The following NALCN variants were observed in gnomAD, a reference collection of about 807,000 sequenced individuals.
The protein encoded by NALCN is sodium leak channel, non-selective, also known as sodium leak channel NALCN.
A neutral mutation model predicts 225.3 loss-of-function variants in NALCN; 111 were observed. That is an observed-to-expected ratio of 0.49 (90% CI 0.42 to 0.58). The LOEUF (loss-of-function observed/expected upper bound fraction) is 0.58. Among genes scored for constraint, NALCN ranks in the 20% least tolerant of loss-of-function variants. The pLI, the probability that NALCN is intolerant of heterozygous loss-of-function variation, is 0.00. For missense variants in NALCN, 1,378 were observed against 2,202.4 expected (o/e 0.63, Z 7.49); for synonymous variants, 764 against 769.0 (o/e 0.99, Z 0.11).
intron 14 of NALCN, among the ~76,000 whole-genome samples, chr13:101,188,552 G>GTATACA (rs2039541047): frequency 6.6e-6 from 1 of 150,902 alleles, no homozygotes; most frequent in Non-Finnish European, 1.5e-5. Context: ...AATACTATAT[G>GTATACA]TATACATATA....
chr13:101,365,263 G>A (rs2046350371), intron 6 of NALCN, among the ~76,000 whole-genome samples: 1 of 152,042 alleles, frequency 6.6e-6, no homozygotes, highest in Admixed American at 6.6e-5. Context: ...TGTACTCAGT[G>A]TTTAGCTCTC....
At chr13:101,194,468 T>C (rs2039810527) in intron 13 of NALCN, among the ~76,000 whole-genome samples, 2 of 152,310 alleles carry the variant, frequency 1.3e-5, no homozygotes, top group Non-Finnish European at 2.9e-5. Flanking sequence ...ATCAGTTTTG[T>C]GGAGATTTTT....
At chr13:101,288,989 G>C (rs2139033977) in intron 9 of NALCN, among the ~76,000 whole-genome samples, 1 of 152,340 alleles carries the variant, frequency 6.6e-6, no homozygotes, top group East Asian at 1.9e-4. Flanking sequence ...GGGTTAGTGA[G>C]ATACGGTACT....
intron 15 of NALCN, among the ~76,000 whole-genome samples, chr13:101,167,900 G>T (rs9582454): frequency 1.3e-5 from 2 of 150,854 alleles, no homozygotes; most frequent in Non-Finnish European, 2.9e-5. Flanking sequence ...ATCTTTATTT[G>T]TGGCTTAAGT....
chr13:101,186,375 C>T (rs941176722), intron 14 of NALCN, among the ~76,000 whole-genome samples: 7 of 152,282 alleles, frequency 4.6e-5, no homozygotes, highest in African/African-American at 1.4e-4. Context: ...TTGGCCAGGA[C>T]GTAGGTTAGT....
At chr13:101,392,348 T>A (rs1455073564) in intron 3 of NALCN, among the ~76,000 whole-genome samples, 1 of 152,138 alleles carries the variant, frequency 6.6e-6, no homozygotes, top group African/African-American at 2.4e-5. Context: ...TTTTTCTTTA[T>A]CGGAATGGAA....
rs550036733 is a variant in NALCN, at chr13:101,165,126, A to G, written c.1839+11174T>C. On this transcript the variant is annotated intron_variant, in intron 15 of 43. Coordinates refer to ENST00000251127, the MANE Select transcript of NALCN (RefSeq NM_052867.4). ...ACCTATTGACTTCAGCGTGTTGTAC[A>G]AATATCATTCTCTATGCATACCACA... Among the ~76,000 whole-genome samples the G allele has an allele frequency of 2.6e-5, 4 of 152,320 alleles. No individual in the cohort carries two copies. In the South Asian group the frequency reaches 8.3e-4, roughly 32 times the overall value.
chr13:101,067,346 A>G (rs1212842036), intron 39 of NALCN, among the ~76,000 whole-genome samples: 94 of 126,884 alleles, frequency 7.4e-4, no homozygotes, highest in African/African-American at 2.6e-3. Flanking sequence ...AAGAGGGGGT[A>G]GAGGAGGAGG....
At chr13:101,213,237 T>C (rs1276791186) in intron 13 of NALCN, among the ~76,000 whole-genome samples, 2 of 152,170 alleles carry the variant, frequency 1.3e-5, no homozygotes, top group African/African-American at 4.8e-5. Flanking sequence ...GAAAACTGGC[T>C]AGCCATATGT....
In NALCN at chr13:101,176,423, C is replaced by A. The variant is rs781716870; in HGVS notation, c.1765-49G>T. On this transcript the variant is annotated intron_variant, in intron 14 of 43. Coordinates refer to ENST00000251127, the MANE Select transcript of NALCN (RefSeq NM_052867.4). ...GAAAAAACCCACATGCCATAAGTAT[C>A]AAAATATTATATGTATAATATAGCT... is the stretch of plus-strand genomic sequence containing the variant. 11 of 1,394,896 alleles carry A rather than the reference C, an allele frequency of 7.9e-6. No individual in the cohort carries two copies. In the African/African-American group the frequency reaches 1.2e-4, roughly 15 times the overall value. The allele number at this position is 1,394,896 out of a possible 1,614,324, so 86.4% of individuals were successfully genotyped here. A position where few individuals can be genotyped will look rare whatever the true frequency, so the allele number is the denominator to read the frequency against.
chr13:101,231,415 A>G (rs2041344513), intron 12 of NALCN, among the ~76,000 whole-genome samples: 1 of 152,220 alleles, frequency 6.6e-6, no homozygotes. Flanking sequence ...TTTTAAGGAC[A>G]TATTTATATG....
At position 101,397,066 on chromosome 13, in the gene NALCN, TTATATATATATATATATATATATATA is replaced by T. The variant is rs368771604; in HGVS notation, c.109-1727_109-1702del. On this transcript the variant is annotated intron_variant, in intron 2 of 43. Transcript: ENST00000251127. Reference sequence around the variant, plus strand: ...AAGAAGTAAAACACCTATGAATGTATTATATATATATATATATATATATATATATATATATATATATATACATACAC... The same window carrying T: ...AAGAAGTAAAACACCTATGAATGTATTATATATATATATATATACATACAC... Among the ~76,000 whole-genome samples, 499 of 56,394 alleles carry T rather than the reference TTATATATATATATATATATATATATA, an allele frequency of 8.8e-3. 14 individuals are homozygous for T. The highest frequency in any genetic ancestry group is 0.024 in the African/African-American group (362 of 14,924). The allele number at this position is 56,394 out of a possible 152,430, so 37.0% of individuals were successfully genotyped here. A position where few individuals can be genotyped will look rare whatever the true frequency, so the allele number is the denominator to read the frequency against.
At chr13:101,368,960 C>A in intron 6 of NALCN, 1 of 323,124 alleles carries the variant, frequency 3.1e-6, no homozygotes. Flanking sequence ...AAGCTGAGAT[C>A]ATGCCACTGC....
At chr13:101,146,206 A>G (rs2037336703) in intron 15 of NALCN, among the ~76,000 whole-genome samples, 1 of 152,226 alleles carries the variant, frequency 6.6e-6, no homozygotes. Context: ...TTTGTGTAAC[A>G]TAAACATTTA....
intron 7 of NALCN, among the ~76,000 whole-genome samples, chr13:101,304,110 C>T (rs2044068925): frequency 6.6e-6 from 1 of 152,050 alleles, no homozygotes; most frequent in Non-Finnish European, 1.5e-5. Context: ...CACTTTGCAG[C>T]CAGGTGTTTG....
At chr13:101,095,459 T>A in intron 28 of NALCN, 115 bp downstream of exon 28, 1 of 787,152 alleles carries the variant, frequency 1.3e-6, no homozygotes, top group Non-Finnish European at 2.0e-6. Flanking sequence ...TGACTTAAGA[T>A]CATTTTAACA....
intron 13 of NALCN, among the ~76,000 whole-genome samples, chr13:101,211,173 G>A (rs2040508914): frequency 6.6e-6 from 1 of 152,064 alleles, no homozygotes. Context: ...TTTCATTAAT[G>A]ACTTTCATTT....
At position 101,410,841 on chromosome 13, in the gene NALCN, G is replaced by C. The variant is rs187747657; in HGVS notation, c.-40+5472C>G. Among the ~76,000 whole-genome samples, 350 of 152,292 alleles carry C rather than the reference G, an allele frequency of 2.3e-3. 4 individuals are homozygous for C. Among genetic ancestry groups the C allele is most frequent in the Non-Finnish European group, 1.9e-3 (130 of 68,020 alleles). On this transcript the variant is annotated intron_variant, in intron 1 of 43. Coordinates refer to ENST00000251127, the MANE Select transcript of NALCN (RefSeq NM_052867.4). ...TACAATAGCACAATCACCCAAGCTC[G>C]ATGATCGGAAATTATTTTTAACCTA...
At position 101,256,477 on chromosome 13, in the gene NALCN, A is replaced by C. The variant is rs190689666; in HGVS notation, c.1266+1966T>G. 4.9e-4 allele frequency among the ~76,000 whole-genome samples: 74 copies of C among 152,342 alleles called. 2 individuals are homozygous for C. Among genetic ancestry groups the C allele is most frequent in the African/African-American group, 1.7e-3 (71 of 41,582 alleles). ...TCCCTCTTCTTATACAGGGCTAAAA[A>C]GTCGCAGAGCTATCTGAATTGGTAT... On this transcript the variant is annotated intron_variant, in intron 11 of 43. Transcript: ENST00000251127.
Sources: allele counts gnomAD v4.1 joint callset (sites outside exome capture counted in the v4.1 genomes callset), GRCh38; gene constraint gnomAD v4.1.1; transcripts MANE v1.5; gene names NCBI Gene and HGNC (gene_info 2026-07-23, HGNC 2026-07-21).